The following SNTG1 variants were observed in gnomAD, a reference collection of about 807,000 sequenced individuals.
SNTG1 encodes gamma-1-syntrophin.
In SNTG1, 39 loss-of-function variants were observed where a neutral mutation model predicts 74.7. The ratio of observed to expected loss-of-function variants is 0.52; its 90% CI spans 0.40 to 0.68. SNTG1 has a LOEUF of 0.68. Among genes scored for constraint, SNTG1 ranks in the 30% least tolerant of loss-of-function variants. The pLI is 0.00. For synonymous variants in SNTG1, 254 were observed against 217.1 expected (o/e 1.17, Z -1.49); for missense variants, 685 against 609.5 (o/e 1.12, Z -1.30).
At chr8:50,744,831 T>C (rs2095551566) in intron 17 of SNTG1, among the ~76,000 whole-genome samples, 1 of 151,922 alleles carries the variant, frequency 6.6e-6, no homozygotes, top group African/African-American at 2.4e-5. Context: ...TGTTTGTTAG[T>C]AAAACAAAAT....
chr8:50,296,658 T>G (rs572379170), intron 2 of SNTG1, among the ~76,000 whole-genome samples: 2 of 152,186 alleles, frequency 1.3e-5, no homozygotes, highest in African/African-American at 4.8e-5. Context: ...AAATACCTAA[T>G]GTATGCAGGG....
intron 12 of SNTG1, among the ~76,000 whole-genome samples, chr8:50,565,966 TA>T (rs1332890474): frequency 1.3e-5 from 2 of 152,004 alleles, no homozygotes; most frequent in African/African-American, 4.8e-5. Context: ...CAATGGATAT[TA>T]TTTTTTTACG....
intron 15 of SNTG1, among the ~76,000 whole-genome samples, chr8:50,667,765 T>A (rs1301640134): frequency 7.2e-5 from 11 of 152,082 alleles, no homozygotes; most frequent in Non-Finnish European, 1.2e-4. Flanking sequence ...ATTTTTAAAG[T>A]AATTTTTCTT....
At chr8:50,142,309 A>G (rs2131472628) in intron 1 of SNTG1, among the ~76,000 whole-genome samples, 1 of 152,232 alleles carries the variant, frequency 6.6e-6, no homozygotes, top group East Asian at 1.9e-4. Context: ...GATGAAGGAT[A>G]TAATATGATT....
intron 2 of SNTG1, among the ~76,000 whole-genome samples, chr8:50,285,893 T>TA (rs1263157511): frequency 6.6e-6 from 1 of 152,076 alleles, no homozygotes; most frequent in African/African-American, 2.4e-5. Flanking sequence ...TTTTCCTCAG[T>TA]AACTTGAGTT....
intron 8 of SNTG1, among the ~76,000 whole-genome samples, chr8:50,473,029 G>C (rs2093665669): frequency 1.3e-5 from 2 of 152,096 alleles, no homozygotes; most frequent in African/African-American, 4.8e-5. Flanking sequence ...AATCAAAACA[G>C]AAAACAAGCG....
chr8:50,418,564 A>G (rs1181436819), intron 4 of SNTG1, among the ~76,000 whole-genome samples: 1 of 152,110 alleles, frequency 6.6e-6, no homozygotes. Flanking sequence ...GCTCCAGCTT[A>G]TATCTTACCC....
At chr8:50,012,656 A>C (rs1430191524) in intron 1 of SNTG1, among the ~76,000 whole-genome samples, 1 of 152,138 alleles carries the variant, frequency 6.6e-6, no homozygotes, top group Non-Finnish European at 1.5e-5. Context: ...GTTCCCTAGA[A>C]GAGGTGCCTG....
At chr8:49,993,812 G>A (rs1007405726) in intron 1 of SNTG1, among the ~76,000 whole-genome samples, 5 of 152,096 alleles carry the variant, frequency 3.3e-5, no homozygotes, top group Non-Finnish European at 7.4e-5. Context: ...ATCATTGATG[G>A]GATTTTGGGT....
intron 17 of SNTG1, among the ~76,000 whole-genome samples, chr8:50,723,647 T>G (rs2095492981): frequency 6.6e-6 from 1 of 152,162 alleles, no homozygotes; most frequent in Admixed American, 6.6e-5. Flanking sequence ...TTTACAAAAG[T>G]TGGAATTATT....
At chr8:50,443,300 G>A (rs952100039) in intron 5 of SNTG1, among the ~76,000 whole-genome samples, 3 of 152,028 alleles carry the variant, frequency 2.0e-5, no homozygotes, top group African/African-American at 7.2e-5. Context: ...TTGAGGGAAA[G>A]GATGTTTTAA....
At chr8:50,537,777 C>T (rs1026115261) in intron 11 of SNTG1, among the ~76,000 whole-genome samples, 2 of 152,108 alleles carry the variant, frequency 1.3e-5, no homozygotes, top group African/African-American at 4.8e-5. Context: ...CTTAATGTCT[C>T]CATCACAAAG....
rs1489940877 is a variant in SNTG1 at position 50,464,313 on chromosome 8, G to GCCC, written c.363+13585_363+13587dup. On this transcript the variant is annotated intron_variant, in intron 8 of 18. Transcript: ENST00000642720. The stretch of plus-strand genomic sequence containing the variant: ...TGCTTGTGCAAGAAGCCTACAATTT[G>GCCC]CCCTATTTTGCCTTCCAATACCCCT... Among the ~76,000 whole-genome samples, 3 of 152,206 alleles carry GCCC rather than the reference G, an allele frequency of 2.0e-5. No individual in the cohort carries two copies. In the East Asian group the frequency reaches 5.8e-4, roughly 29 times the overall value.
rs546181596 is a variant in SNTG1, at chr8:50,543,958, C to T, written c.680+7150C>T. 7.9e-5 allele frequency among the ~76,000 whole-genome samples: 12 copies of T among 152,094 alleles called. No homozygotes were observed. The East Asian group carries it at 2.3e-3, about 29-fold the overall frequency. ...GAGCCTCTTTTTATGTACTTATTTG[C>T]CATCAGTGTATCTTCTTCGGTGAAG... On this transcript the variant is annotated intron_variant, in intron 11 of 18. Transcript: ENST00000642720.
At chr8:50,712,838 C>A (rs2095465470) in intron 17 of SNTG1, among the ~76,000 whole-genome samples, 1 of 152,076 alleles carries the variant, frequency 6.6e-6, no homozygotes, top group African/African-American at 2.4e-5. Context: ...ATGAACTCAT[C>A]CTTTTTTATG....
chr8:50,216,048 C>A (rs2084776743), intron 2 of SNTG1, among the ~76,000 whole-genome samples: 1 of 152,100 alleles, frequency 6.6e-6, no homozygotes, highest in African/African-American at 2.4e-5. Flanking sequence ...TCAGGTGGGT[C>A]TTCCCTCCTG....
At chr8:50,143,069 A>T (rs2081730015) in intron 1 of SNTG1, among the ~76,000 whole-genome samples, 1 of 151,986 alleles carries the variant, frequency 6.6e-6, no homozygotes, top group Admixed American at 6.6e-5. Flanking sequence ...GCAAGACTCC[A>T]TCTCAAAATA....
rs555515843 is a variant in SNTG1 at position 50,701,764 on chromosome 8, T to C, written c.1039-2836T>C. 2.8e-3 allele frequency among the ~76,000 whole-genome samples: 421 copies of C among 150,286 alleles called. 4 individuals carry two copies. The highest frequency in any genetic ancestry group is 0.01 in the African/African-American group (408 of 40,774). On this transcript the variant is annotated intron_variant, in intron 15 of 18. Transcript: ENST00000642720. ...TTTCTTCTCCTTCTTCTCCTTCTTC[T>C]TCTTCTTCTTTCTCTTCCTCTTCCT...
At chr8:50,640,151 G>A (rs1414002844) in intron 13 of SNTG1, among the ~76,000 whole-genome samples, 2 of 152,140 alleles carry the variant, frequency 1.3e-5, no homozygotes, top group Non-Finnish European at 2.9e-5. Flanking sequence ...GAGGAATATG[G>A]TTACACAGAA....
Sources: gnomAD v4.1 joint callset for allele counts (sites outside exome capture counted in the v4.1 genomes callset) on GRCh38, gnomAD v4.1.1 for gene constraint, MANE v1.5 for transcripts, NCBI Gene and HGNC (gene_info 2026-07-23, HGNC 2026-07-21) for gene names.